Variants in SEPTIN9 observed in about 807,000 individuals in gnomAD.
SEPTIN9 encodes the protein septin-9.
SEPTIN9 carries 13 observed loss-of-function variants against 56.6 expected under a neutral mutation model. The observed-to-expected ratio is 0.23, with a 90% CI of 0.15 to 0.37. SEPTIN9 has a LOEUF of 0.37. SEPTIN9 is among the 10% of genes least tolerant of loss of function. The pLI is 1.00. For synonymous variants in SEPTIN9, 332 were observed against 334.1 expected, an observed-to-expected ratio of 0.99 and a Z score of 0.07; for missense variants, 650 against 823.1, an observed-to-expected ratio of 0.79 and a Z score of 2.57.
intron 1 of SEPTIN9, 37 bp from the exon 2 acceptor site, chr17:77,307,104 G>C (rs2032300117): frequency 6.2e-7 from 1 of 1,601,720 alleles, no homozygotes. Context: ...AGCGCCAGTG[G>C]CCTTGTGTGA....
At chr17:77,469,525 G>C (rs1456706874) in intron 3 of SEPTIN9, 1 of 152,216 alleles carries the variant, frequency 6.6e-6, no homozygotes, top group Non-Finnish European at 1.5e-5. Context: ...CAGGCCTGCG[G>C]GGTCACGGCC....
Position 77,330,420 on chromosome 17 carries a change from T to C in SEPTIN9, c.76+23223T>C, listed in dbSNP as rs991035520. On this transcript the variant is annotated intron_variant, in intron 2 of 11. Coordinates refer to ENST00000427177, the MANE Select transcript of SEPTIN9 (RefSeq NM_001113491.2). The surrounding 1 kb of genome is among the most constrained non-coding windows in gnomAD (Gnocchi z 4.4). ...GGACTGACACCCCCTCATGTTGATG[T>C]GGGCCCTGAGCCATAATCTCACCAG... Among the ~76,000 whole-genome samples, 2 of 152,168 alleles carry C rather than the reference T, an allele frequency of 1.3e-5. No individual in the cohort carries two copies. The highest frequency in any genetic ancestry group is 4.8e-5 in the African/African-American group (2 of 41,438).
At chr17:77,467,271 G>T (rs771664646) in intron 3 of SEPTIN9, among the ~76,000 whole-genome samples, 2 of 152,226 alleles carry the variant, frequency 1.3e-5, no homozygotes, top group Non-Finnish European at 2.9e-5. Context: ...CTGCCTCAGC[G>T]TGGGGAGTGG....
intron 2 of SEPTIN9, among the ~76,000 whole-genome samples, chr17:77,331,283 G>A (rs763007345): frequency 2.6e-5 from 4 of 152,240 alleles, no homozygotes; most frequent in Non-Finnish European, 5.9e-5. Context: ...TCAGTGTCCT[G>A]GGCCTATGTC....
rs935244052 is a variant in SEPTIN9 at position 77,478,693 on chromosome 17, C to T, written c.722-3451C>T. Among the ~76,000 whole-genome samples, 5 of 151,644 alleles carry T rather than the reference C, an allele frequency of 3.3e-5. 1 individual carries two copies. Among genetic ancestry groups the T allele is most frequent in the African/African-American group, 1.2e-4 (5 of 41,200 alleles). On this transcript the variant is annotated intron_variant, in intron 3 of 11. Transcript: ENST00000427177. ...TGGCGGGTGCCTGTAATCCCAGCTA[C>T]TTGAGAGGCTGAGGCAGGAGAATTG...
At chr17:77,335,218 A>G (rs949208479) in intron 2 of SEPTIN9, among the ~76,000 whole-genome samples, 6 of 151,044 alleles carry the variant, frequency 4.0e-5, no homozygotes, top group Non-Finnish European at 5.9e-5. Flanking sequence ...TGTTGACTGT[A>G]TATGTGGTCC....
At chr17:77,480,061 C>A (rs112473160) in intron 3 of SEPTIN9, among the ~76,000 whole-genome samples, 6 of 152,152 alleles carry the variant, frequency 3.9e-5, no homozygotes, top group Admixed American at 3.9e-4. Context: ...TTCCAGGCTG[C>A]GTGGCCTGGG....
chr17:77,390,398 A>G lies in SEPTIN9; in HGVS notation c.77-11661A>G, dbSNP rs1291855384. Among the ~76,000 whole-genome samples, 3 of 141,650 alleles carry G rather than the reference A, an allele frequency of 2.1e-5. No individual in the cohort carries two copies. The East Asian group carries it at 6.7e-4, about 32-fold the overall frequency. 92.9% of individuals were successfully genotyped at this position (141,650 alleles called of 152,430 possible). On this transcript the variant is annotated intron_variant, in intron 2 of 11. Transcript: ENST00000427177. ...GAGAAATCTTTCCCAGAAGGCCTGC[A>G]GTCACCTCCCCTTCATGTTTCAGAG...
intron 2 of SEPTIN9, among the ~76,000 whole-genome samples, chr17:77,309,112 C>A (rs924429941): frequency 6.6e-6 from 1 of 152,232 alleles, no homozygotes; most frequent in African/African-American, 2.4e-5. Flanking sequence ...TGGCCAGCTT[C>A]TGGTGGAATG....
intron 2 of SEPTIN9, among the ~76,000 whole-genome samples, chr17:77,364,708 G>T (rs769476190): frequency 6.7e-4 from 102 of 152,204 alleles, no homozygotes; most frequent in Non-Finnish European, 3.2e-4. Context: ...GACGGGCAGG[G>T]GTCCCCCAAT....
At chr17:77,340,573 C>T (rs977620581) in intron 2 of SEPTIN9, among the ~76,000 whole-genome samples, 4 of 152,300 alleles carry the variant, frequency 2.6e-5, no homozygotes, top group South Asian at 2.1e-4. Flanking sequence ...ATTTTTGGAA[C>T]GGTCAATGAG....
At chr17:77,415,946 A>C (rs529277768) in intron 3 of SEPTIN9, among the ~76,000 whole-genome samples, 1 of 152,232 alleles carries the variant, frequency 6.6e-6, no homozygotes, top group Non-Finnish European at 1.5e-5. Context: ...AGCAAAATGT[A>C]AGGGGACACC....
intron 2 of SEPTIN9, among the ~76,000 whole-genome samples, chr17:77,320,501 T>C (rs2032874377): frequency 6.6e-6 from 1 of 152,222 alleles, no homozygotes; most frequent in South Asian, 2.1e-4. Flanking sequence ...GCTCGTGGGA[T>C]GAACTCCGTC....
At chr17:77,322,168 G>C (rs2143662919) in intron 2 of SEPTIN9, among the ~76,000 whole-genome samples, 1 of 152,356 alleles carries the variant, frequency 6.6e-6, no homozygotes. Context: ...TCTGAGAGCT[G>C]AGCAGAGAGG....
At chr17:77,302,751 G>C (rs1598488644) in intron 1 of SEPTIN9, among the ~76,000 whole-genome samples, 1 of 152,134 alleles carries the variant, frequency 6.6e-6, no homozygotes, top group East Asian at 1.9e-4. Flanking sequence ...CTGCAAAGCT[G>C]CTGTGCCCAA....
intron 3 of SEPTIN9, among the ~76,000 whole-genome samples, chr17:77,443,334 T>G (rs545476950): frequency 6.6e-6 from 1 of 152,282 alleles, no homozygotes; most frequent in Admixed American, 6.5e-5. Context: ...ATTGCTGATC[T>G]ACAAAGTGGT....
At position 77,329,805 on chromosome 17, in the gene SEPTIN9, C is replaced by G. The variant is rs954114461; in HGVS notation, c.76+22608C>G. On this transcript the variant is annotated intron_variant, in intron 2 of 11. Transcript: ENST00000427177. The surrounding 1 kb of genome is among the most constrained non-coding windows in gnomAD (Gnocchi z 4.3). ...ATATCCAGAACATTCTTGGCTGGCT[C>G]TTGGAGCTGGGGTGAGGCAGAACCT... Among the ~76,000 whole-genome samples the G allele has an allele frequency of 1.3e-5, 2 of 152,138 alleles. No homozygotes were observed. Among genetic ancestry groups the G allele is most frequent in the African/African-American group, 4.8e-5 (2 of 41,428 alleles).
chr17:77,402,525 C>T lies in SEPTIN9; in HGVS notation c.543C>T (p.Thr181=), dbSNP rs1016801481. ...KVPEVPTAPA[T]DAAPKRVEIQ... ...CCGAGGTGCCCACTGCCCCTGCCACCGACGCAGCCCCCAAGAGGGTGGAGA... is the reference window on the plus strand; with the variant it reads ...CCGAGGTGCCCACTGCCCCTGCCACTGACGCAGCCCCCAAGAGGGTGGAGA... Residue 181 remains threonine (T), a synonymous_variant, in exon 3 of 12, where the codon ACC becomes ACT. Transcript: ENST00000427177. The surrounding 1 kb of genome is among the most constrained non-coding windows in gnomAD (Gnocchi z 6.6). The T allele has an allele frequency of 1.0e-5, 16 of 1,605,016 alleles. No homozygotes were observed. Among genetic ancestry groups the T allele is most frequent in the Middle Eastern group, 1.6e-4 (1 of 6,076 alleles).
intron 2 of SEPTIN9, among the ~76,000 whole-genome samples, chr17:77,401,385 G>T (rs2035891625): frequency 6.6e-6 from 1 of 152,160 alleles, no homozygotes; most frequent in Admixed American, 6.5e-5. Context: ...GTAGAGGTGT[G>T]TTTGCTGGTG....
Sources: gnomAD v4.1 joint callset for allele counts (sites outside exome capture counted in the v4.1 genomes callset) on GRCh38, gnomAD v4.1.1 for gene constraint, Gnocchi (gnomAD v3.1) non-coding constraint, MANE v1.5 for transcripts, NCBI Gene and HGNC (gene_info 2026-07-23, HGNC 2026-07-21) for gene names.